Variants in RABGEF1 observed in about 807,000 individuals in gnomAD.
The protein encoded by RABGEF1 is RAB guanine nucleotide exchange factor 1, also known as rab5 GDP/GTP exchange factor.
Under a neutral mutation model 57.3 loss-of-function variants are expected in RABGEF1, and 26 were observed. The ratio of observed to expected loss-of-function variants is 0.45; its 90% confidence interval spans 0.33 to 0.63. The LOEUF (loss-of-function observed/expected upper bound fraction) is 0.63, where lower values mean the gene tolerates loss of function less well. RABGEF1 is among the 20% of genes least tolerant of loss of function. RABGEF1 has a pLI of 0.02. For synonymous variants in RABGEF1, 185 were observed against 210.7 expected (o/e 0.88, Z 1.06); for missense variants, 464 against 607.6 (o/e 0.76, Z 2.48).
chr7:66,775,498 A>G, intron 3 of RABGEF1, 105 bp downstream of exon 3: 1 of 1,368,710 alleles, frequency 7.3e-7, no homozygotes, highest in Non-Finnish European at 1.0e-6. Context: ...ACTTTTTGAG[A>G]ACATCAGCTC....
intron 8 of RABGEF1, among the ~76,000 whole-genome samples, chr7:66,805,934 G>A (rs958670915): frequency 6.7e-6 from 1 of 149,808 alleles, no homozygotes; most frequent in African/African-American, 2.5e-5. Flanking sequence ...TTTGAGAGAT[G>A]GGGTCTCGCT....
chr7:66,722,600 T>C (rs1225930554), intron 2 of RABGEF1, among the ~76,000 whole-genome samples: 1 of 152,214 alleles, frequency 6.6e-6, no homozygotes, highest in African/African-American at 2.4e-5. Context: ...TAATTCAAGG[T>C]CACAAAGATT....
At chr7:66,779,030 G>A (rs1809226385) in intron 3 of RABGEF1, among the ~76,000 whole-genome samples, 1 of 152,100 alleles carries the variant, frequency 6.6e-6, no homozygotes, top group Non-Finnish European at 1.5e-5. Context: ...CAGGAGAATC[G>A]CTTGAACCCG....
At chr7:66,672,978 G>C in the RABGEF1 span, among the ~76,000 whole-genome samples, 23 of 149,174 alleles carry the variant, frequency 1.5e-4, no homozygotes. Flanking sequence ...AGCACCCTTA[G>C]CTGGGCCTTG....
chr7:66,753,150 G>C (rs1801817024), intron 1 of RABGEF1, among the ~76,000 whole-genome samples: 1 of 152,198 alleles, frequency 6.6e-6, no homozygotes, highest in South Asian at 2.1e-4. Flanking sequence ...TCCTTGAACA[G>C]GGTAGGATTT....
chr7:66,748,238 G>A (rs932502039), intron 1 of RABGEF1, among the ~76,000 whole-genome samples: 6 of 152,136 alleles, frequency 3.9e-5, no homozygotes, highest in Admixed American at 6.5e-5. Context: ...AAAACATTCC[G>A]TAAAAGCATT....
chr7:66,710,274 C>T (rs1424837076), intron 1 of RABGEF1, among the ~76,000 whole-genome samples: 1 of 152,052 alleles, frequency 6.6e-6, no homozygotes, highest in Non-Finnish European at 1.5e-5. Context: ...TTTTTTAATC[C>T]GTTCATCTTG....
intron 1 of RABGEF1, among the ~76,000 whole-genome samples, chr7:66,750,602 C>G (rs1368458796): frequency 6.6e-6 from 1 of 152,114 alleles, no homozygotes; most frequent in Non-Finnish European, 1.5e-5. Context: ...ACATATTTTT[C>G]TAGTGCTATA....
chr7:66,699,238 T>G (rs1212389740), intron 1 of RABGEF1, among the ~76,000 whole-genome samples: 2 of 152,094 alleles, frequency 1.3e-5, no homozygotes, highest in African/African-American at 4.8e-5. Context: ...CCAGGAGGAA[T>G]GGGGGGCACG....
chr7:66,739,829 T>C (rs1401718195), upstream of RABGEF1: 1 of 152,232 alleles, frequency 6.6e-6, no homozygotes. Context: ...ATACATGGCA[T>C]TCAGGACGCA....
chr7:66,675,733 T>C, the RABGEF1 span, among the ~76,000 whole-genome samples: 2 of 152,144 alleles, frequency 1.3e-5, no homozygotes, highest in African/African-American at 4.8e-5. Flanking sequence ...AGCAATGTAA[T>C]AGGATGCAAA....
chr7:66,757,534 T>C (rs993172630), intron 1 of RABGEF1, among the ~76,000 whole-genome samples: 15 of 152,252 alleles, frequency 9.9e-5, no homozygotes, highest in African/African-American at 3.6e-4. Context: ...TCAATCAGTA[T>C]ATAAATATTT....
chr7:66,773,590 C>G (rs1201691962), intron 2 of RABGEF1: 6 of 432,820 alleles, frequency 1.4e-5, no homozygotes, highest in Non-Finnish European at 2.8e-5. Context: ...TGACAAGTTG[C>G]CTGGTGATGC....
intron 8 of RABGEF1, among the ~76,000 whole-genome samples, chr7:66,806,259 A>C (rs755914353): frequency 8.5e-5 from 13 of 152,168 alleles, no homozygotes; most frequent in Non-Finnish European, 1.6e-4. Flanking sequence ...TGAATCTCTC[A>C]GTCTCTAAAA....
intron 1 of RABGEF1, among the ~76,000 whole-genome samples, chr7:66,700,840 A>C (rs1793139269): frequency 6.6e-6 from 1 of 152,242 alleles, no homozygotes; most frequent in Non-Finnish European, 1.5e-5. Flanking sequence ...CAAAGGCCCC[A>C]GCGGCCCAGG....
At chr7:66,714,721 G>A (rs577554121) in intron 2 of RABGEF1, among the ~76,000 whole-genome samples, 1 of 152,150 alleles carries the variant, frequency 6.6e-6, no homozygotes, top group Non-Finnish European at 1.5e-5. Context: ...GGATCATGAG[G>A]TCAGGAGATC....
At chr7:66,723,829 C>T (rs191579026) in intron 2 of RABGEF1, among the ~76,000 whole-genome samples, 1,906 of 149,680 alleles carry the variant, frequency 0.013, 141 homozygotes, top group Non-Finnish European at 0.014. Flanking sequence ...ATCTGCCCAC[C>T]TTAGCCTCCC....
intron 1 of RABGEF1, among the ~76,000 whole-genome samples, chr7:66,689,477 C>T (rs542610652): frequency 7.9e-5 from 12 of 152,016 alleles, no homozygotes; most frequent in Non-Finnish European, 1.8e-4. Context: ...AACACAAAAC[C>T]TACCAAGACT....
intron 1 of RABGEF1, among the ~76,000 whole-genome samples, chr7:66,690,497 T>C (rs1271495551): frequency 6.6e-6 from 1 of 151,012 alleles, no homozygotes; most frequent in Non-Finnish European, 1.5e-5. Context: ...GGTGGATCAC[T>C]TGAGCTCAAG....
Sources: allele counts gnomAD v4.1 joint callset (sites outside exome capture counted in the v4.1 genomes callset), GRCh38; gene constraint gnomAD v4.1.1; transcripts MANE v1.5; gene names NCBI Gene and HGNC (gene_info 2026-07-23, HGNC 2026-07-21).